The following NDUFS8 variants were observed in gnomAD, a reference collection of about 807,000 sequenced individuals.
The protein encoded by NDUFS8 is NADH:ubiquinone oxidoreductase core subunit S8, also known as NADH dehydrogenase [ubiquinone] iron-sulfur protein 8, mitochondrial.
In NDUFS8, 13 loss-of-function variants were observed where a neutral mutation model predicts 25.6. That is an observed-to-expected ratio of 0.51 (90% CI 0.33 to 0.81). The LOEUF is 0.81. NDUFS8 is among the 30% of genes least tolerant of loss of function. NDUFS8 has a pLI of 0.02. For missense variants in NDUFS8, 257 were observed against 300.9 expected (o/e 0.85, Z 1.08); for synonymous variants, 119 against 119.4 (o/e 1.00, Z 0.02).
chr11:68,032,117 C>A (rs117961226), intron 1 of NDUFS8, 35 bp from the exon 2 acceptor site: 5 of 1,611,560 alleles, frequency 3.1e-6, no homozygotes, highest in Non-Finnish European at 4.2e-6. Context: ...GGTTCTTGGG[C>A]ACACCCCACC....
Position 68,033,124 on chromosome 11 carries a change from C to G in NDUFS8, c.213C>G (p.Thr71=). 1.2e-6 allele frequency: 2 copies of G among 1,612,992 alleles called. No individual in the cohort carries two copies. Among genetic ancestry groups the G allele is most frequent in the South Asian group, 1.1e-5 (1 of 91,072 alleles). ...WTELFRGLGM[T]LSYLFREPAT... ...TGCTGCCCACAGGCCTGGGCATGAC[C>G]CTGAGCTACCTGTTCCGGGAACCGG... Residue 71 remains threonine (T), a synonymous_variant, in exon 5 of 7, where the codon ACC becomes ACG. Transcript: ENST00000313468.
At position 68,036,588 on chromosome 11, in the gene NDUFS8, C is replaced by T. The variant is rs999803670; in HGVS notation, c.628C>T (p.Arg210Trp). The change falls in exon 7 of 7, where the codon CGG becomes TGG. Residue 210 changes from arginine (R) to tryptophan (W), a missense_variant. Physicochemically the swap from Arg to Trp is moderately radical, Grantham distance 101 (BLOSUM62 -3). Coordinates refer to ENST00000313468, the MANE Select transcript of NDUFS8 (RefSeq NM_002496.4). Reference protein sequence around the residue: ...AANIQADYLYR With the variant: ...AANIQADYLYW ...CAACATCCAGGCTGACTACTTGTAT[C>T]GGTGACGCCCCACCGGCCCGCAGCC... 6.8e-6 allele frequency: 11 copies of T among 1,613,694 alleles called. No individual in the cohort carries two copies. The highest frequency in any genetic ancestry group is 2.7e-5 in the African/African-American group (2 of 75,044).
chr11:68,033,119 A>C lies in NDUFS8; in HGVS notation c.208A>C (p.Met70Leu). The change falls in exon 5 of 7, where the codon ATG becomes CTG. Residue 70 changes from methionine (M) to leucine (L), a missense_variant. Transcript: ENST00000313468. Reference protein sequence around the residue: ...LWTELFRGLGMTLSYLFREPA... With the variant: ...LWTELFRGLGLTLSYLFREPA... Reference sequence around the variant, plus strand: ...ACCCGTGCTGCCCACAGGCCTGGGCATGACCCTGAGCTACCTGTTCCGGGA... The same window carrying C: ...ACCCGTGCTGCCCACAGGCCTGGGCCTGACCCTGAGCTACCTGTTCCGGGA... The C allele has an allele frequency of 6.2e-7, 1 of 1,613,024 alleles. No individual in the cohort carries two copies. Among genetic ancestry groups the C allele is most frequent in the Non-Finnish European group, 8.5e-7 (1 of 1,179,802 alleles).
chr11:68,033,646 C>T (rs1854818353), intron 5 of NDUFS8: 1 of 352,268 alleles, frequency 2.8e-6, no homozygotes, highest in Non-Finnish European at 5.4e-6. Context: ...GTGCCTGTTG[C>T]AGCTTCCCTT....
At chr11:68,034,325 T>G (rs1014546610) in intron 5 of NDUFS8, 1 of 152,278 alleles carries the variant, frequency 6.6e-6, no homozygotes, top group Non-Finnish European at 1.5e-5. Context: ...GTGCCCCCAC[T>G]TGCTGTGTAG....
In NDUFS8 at chr11:68,030,697, G is replaced by A; in HGVS notation, c.-37G>A. 3.0e-6 allele frequency: 1 copy of A among 331,182 alleles called. No homozygotes were observed. The highest frequency in any genetic ancestry group is 1.0e-4 in the East Asian group (1 of 9,686). 20.5% of individuals were successfully genotyped at this position (331,182 alleles called of 1,614,324 possible). A position where few individuals can be genotyped will look rare whatever the true frequency, so the allele number is the denominator to read the frequency against. Reference sequence around the variant, plus strand: ...GTAGCCTCCGCCTCCCGATTGACTGGCCTGCTTGGCAAGGCAAGTAGCGGC... The same window carrying A: ...GTAGCCTCCGCCTCCCGATTGACTGACCTGCTTGGCAAGGCAAGTAGCGGC... On this transcript the variant is annotated 5_prime_UTR_variant, in exon 1 of 7. Transcript: ENST00000313468.
At chr11:68,035,784 C>A in intron 5 of NDUFS8, 1 of 447,692 alleles carries the variant, frequency 2.2e-6, no homozygotes, top group Non-Finnish European at 4.5e-6. Context: ...CTTTGGGAGT[C>A]CAAGGTAAGC....
chr11:68,032,283 C>T lies in NDUFS8; in HGVS notation c.59-3C>T. 1.2e-6 allele frequency: 2 copies of T among 1,613,776 alleles called. No individual in the cohort carries two copies. The highest frequency in any genetic ancestry group is 1.1e-5 in the South Asian group (1 of 91,064). ...GTATGACGTCACGCCCTTCTTTTTG[C>T]AGGACCTCCTGGTGGCCGGAGCCTC... On this transcript the variant is annotated splice_region_variant and splice_polypyrimidine_tract_variant and intron_variant, in intron 2 of 6. Transcript: ENST00000313468.
chr11:68,034,602 C>T (rs1854843533), intron 5 of NDUFS8: 1 of 150,684 alleles, frequency 6.6e-6, no homozygotes, highest in African/African-American at 2.5e-5. Context: ...CACTTGAGGT[C>T]AAGAGTTCGA....
rs369500531 is a variant in NDUFS8 at position 68,035,871 on chromosome 11, T to G, written c.373-382T>G. ...CATCTCTACTAAAAAATACAAAAAT[T>G]AGCTGGGCGTGGTGATGCACACTTG... On this transcript the variant is annotated intron_variant, in intron 5 of 6. Coordinates refer to ENST00000313468, the MANE Select transcript of NDUFS8 (RefSeq NM_002496.4). 1.6e-3 allele frequency: 581 copies of G among 367,130 alleles called. 10 individuals carry two copies. The highest frequency in any genetic ancestry group is 0.011 in the South Asian group (559 of 50,034). 22.7% of individuals were successfully genotyped at this position (367,130 alleles called of 1,614,324 possible).
At chr11:68,035,089 C>T (rs1156502378) in intron 5 of NDUFS8, 1 of 151,594 alleles carries the variant, frequency 6.6e-6, no homozygotes, top group Non-Finnish European at 1.5e-5. Context: ...AAAGGATTTA[C>T]ACTGTACTGT....
rs1304174758 is a variant in NDUFS8, at chr11:68,036,469, A to C, written c.509A>C (p.Asn170Thr). 2 of 1,613,950 alleles carry C rather than the reference A, an allele frequency of 1.2e-6. No individual in the cohort carries two copies. The highest frequency in any genetic ancestry group is 1.7e-6 in the Non-Finnish European group (2 of 1,179,962). ...CPVDAIVEGP[N>T]FEFSTETHEE... ...CTGCACCTCAACCTGCAGGGCCCCAACTTTGAGTTCTCCACGGAGACCCAT... is the reference window on the plus strand; with the variant it reads ...CTGCACCTCAACCTGCAGGGCCCCACCTTTGAGTTCTCCACGGAGACCCAT... Residue 170 changes from asparagine to threonine, a missense_variant, in exon 7 of 7, where the codon AAC (asparagine) becomes ACC (threonine). Physicochemically the swap from Asn to Thr is moderately conservative, Grantham distance 65. Coordinates refer to ENST00000313468, the MANE Select transcript of NDUFS8 (RefSeq NM_002496.4).
At chr11:68,033,918 G>T (rs1252965691) in intron 5 of NDUFS8, 1 of 161,942 alleles carries the variant, frequency 6.2e-6, no homozygotes, top group African/African-American at 2.4e-5. Flanking sequence ...AGGTCCTCCA[G>T]GCCATGAGCT....
Position 68,031,595 on chromosome 11 carries a change from G to A in NDUFS8, c.1-557G>A, listed in dbSNP as rs879866026. On this transcript the variant is annotated intron_variant, in intron 1 of 6. Transcript: ENST00000313468. ...ACTCCTGACCTCAGGTGATCCACCT[G>A]CCTCAGCCTCCCAAAGTGCTGGGAT... The A allele has an allele frequency of 1.9e-3, 371 of 192,670 alleles. 2 individuals are homozygous for A. Among genetic ancestry groups the A allele is most frequent in the Non-Finnish European group, 2.7e-3 (247 of 90,664 alleles). The allele number at this position is 192,670 out of a possible 1,614,324, so 11.9% of individuals were successfully genotyped here.
Position 68,036,558 on chromosome 11 carries a change from G to A in NDUFS8, c.598G>A (p.Ala200Thr), listed in dbSNP as rs578145610. 4.6e-5 allele frequency: 74 copies of A among 1,614,044 alleles called. 1 individual carries two copies. In the Middle Eastern group the frequency reaches 5.0e-4, roughly 11 times the overall value. ...NNGDKWEAEI[A>T]ANIQADYLYR is the part of the protein sequence containing the mutation. ...CGGGGACAAGTGGGAGGCCGAGATCGCCGCCAACATCCAGGCTGACTACTT... is the reference window on the plus strand; with the variant it reads ...CGGGGACAAGTGGGAGGCCGAGATCACCGCCAACATCCAGGCTGACTACTT... Residue 200 changes from alanine to threonine, a missense_variant, in exon 7 of 7, where the codon GCC becomes ACC. Coordinates refer to ENST00000313468, the MANE Select transcript of NDUFS8 (RefSeq NM_002496.4).
Position 68,033,383 on chromosome 11 carries a change from G to A in NDUFS8, c.372+100G>A, listed in dbSNP as rs554713258. The A allele has an allele frequency of 1.2e-4, 172 of 1,398,910 alleles. 1 individual carries two copies. The Middle Eastern group carries it at 2.3e-3, about 18-fold the overall frequency. The allele number at this position is 1,398,910 out of a possible 1,614,324, so 86.7% of individuals were successfully genotyped here. On this transcript the variant is annotated intron_variant, in intron 5 of 6. Transcript: ENST00000313468. ...AAACCCTAGCCCCTGCTTGATGTGC[G>A]TCCCCAGGAAGTCCCTTTCCCCCTC...
At chr11:68,033,054 G>A (rs147808886) in intron 4 of NDUFS8, 42 bp downstream of exon 4, 800 of 1,613,288 alleles carry the variant, frequency 5.0e-4, no homozygotes, top group Non-Finnish European at 6.6e-4. Flanking sequence ...TGCCGGGTGG[G>A]CACGGATGCA....
chr11:68,036,246 C>T lies in NDUFS8; in HGVS notation c.373-7C>T. On this transcript the variant is annotated splice_region_variant and splice_polypyrimidine_tract_variant and intron_variant, in intron 5 of 6. Transcript: ENST00000313468. The stretch of plus-strand genomic sequence containing the variant: ...AGCGTGGCAGTGTCTGGTGGCCCCT[C>T]CCGCAGGCCATCACCATCGAGGCTG... 1 of 1,612,514 alleles carries T rather than the reference C, an allele frequency of 6.2e-7. No homozygotes were observed. The highest frequency in any genetic ancestry group is 8.5e-7 in the Non-Finnish European group (1 of 1,179,710).
Position 68,036,513 on chromosome 11 carries a change from A to G in NDUFS8, c.553A>G (p.Lys185Glu). 1 of 1,613,984 alleles carries G rather than the reference A, an allele frequency of 6.2e-7. No individual in the cohort carries two copies. The highest frequency in any genetic ancestry group is 1.3e-5 in the African/African-American group (1 of 74,998). Residue 185 changes from lysine (K) to glutamate (E), a missense_variant, in exon 7 of 7, where the codon AAG becomes GAG. Coordinates refer to ENST00000313468, the MANE Select transcript of NDUFS8 (RefSeq NM_002496.4). The part of the protein sequence containing the change: ...TETHEELLYN[K>E]EKLLNNGDKW... ...GACCCATGAGGAGCTGCTGTACAAC[A>G]AGGAGAAGTTGCTCAACAACGGGGA...
Sources: allele counts gnomAD v4.1 joint callset, GRCh38; gene constraint gnomAD v4.1.1; transcripts MANE v1.5; gene names NCBI Gene and HGNC (gene_info 2026-07-23, HGNC 2026-07-21).